SAMD3: variants seen among roughly 807,000 people sequenced by gnomAD.
SAMD3 encodes sterile alpha motif domain containing 3.
In SAMD3, 63 loss-of-function variants were observed where a neutral mutation model predicts 58.5. The observed-to-expected ratio is 1.08, with a 90% confidence interval of 0.88 to 1.33. The LOEUF is 1.33. Ranked by LOEUF, SAMD3 falls within the 40% of genes most tolerant of loss-of-function variation. SAMD3 has a pLI of 0.00. For missense variants in SAMD3, 604 were observed against 608.4 expected (o/e 0.99, Z 0.08); for synonymous variants, 220 against 210.3 (o/e 1.05, Z -0.40).
intron 2 of SAMD3, among the ~76,000 whole-genome samples, chr6:130,260,152 T>G (rs1015523852): frequency 3.3e-5 from 5 of 152,330 alleles, no homozygotes; most frequent in African/African-American, 1.2e-4. Context: ...CCTCTCATAT[T>G]GTTTTATACT....
chr6:130,199,855 TTA>T (rs1794479138), intron 5 of SAMD3, among the ~76,000 whole-genome samples: 1 of 152,192 alleles, frequency 6.6e-6, no homozygotes, highest in African/African-American at 2.4e-5. Flanking sequence ...TGCTTTTAAT[TTA>T]TGTTTTATAG....
rs749155291 is a variant in SAMD3 at position 130,215,253 on chromosome 6, C to A, written c.21G>T (p.Glu7Asp). METWSV[E>D]QVCSWLVEKN... ...TCTCCACCAACCAACTGCAGACCTGCTCAACTGACCAGGTTTCCATTGCTG... is the reference window on the plus strand; with the variant it reads ...TCTCCACCAACCAACTGCAGACCTGATCAACTGACCAGGTTTCCATTGCTG... The change falls in exon 3 of 12, where the codon GAG (glutamate) becomes GAT (aspartate). Residue 7 changes from glutamate (E) to aspartate (D), a missense_variant. Physicochemically the swap from Glu to Asp is conservative, Grantham distance 45 (BLOSUM62 2). Transcript: ENST00000439090. The A allele has an allele frequency of 2.5e-6, 4 of 1,609,784 alleles. No individual in the cohort carries two copies. Among genetic ancestry groups the A allele is most frequent in the Non-Finnish European group, 3.4e-6 (4 of 1,176,984 alleles).
At chr6:130,206,080 C>T (rs1795056053) in intron 5 of SAMD3, among the ~76,000 whole-genome samples, 1 of 152,192 alleles carries the variant, frequency 6.6e-6, no homozygotes, top group African/African-American at 2.4e-5. Context: ...GCCCACAGCT[C>T]TGGATAAAGG....
At chr6:130,361,131 T>G (rs994479188) in intron 1 of SAMD3, among the ~76,000 whole-genome samples, 3 of 152,024 alleles carry the variant, frequency 2.0e-5, no homozygotes, top group African/African-American at 7.2e-5. Flanking sequence ...ATGACAGAAT[T>G]AAGAGATTAA....
rs184433569 is a variant in SAMD3 at position 130,195,116 on chromosome 6, C to T, written c.384-10493G>A. ...CCCTTATTAGGCTGAGGCACTTTAA[C>T]TAAATTATCTGCTTCCCTGACTATT... On this transcript the variant is annotated intron_variant, in intron 5 of 11. Transcript: ENST00000439090. Among the ~76,000 whole-genome samples the T allele has an allele frequency of 7.9e-5, 12 of 152,282 alleles. No homozygotes were observed. The East Asian group carries it at 1.7e-3, about 22-fold the overall frequency.
At chr6:130,363,753 T>A (rs183995694) in intron 1 of SAMD3, among the ~76,000 whole-genome samples, 11 of 152,224 alleles carry the variant, frequency 7.2e-5, no homozygotes, top group Non-Finnish European at 1.2e-4. Flanking sequence ...TGCACTCTTA[T>A]AAGATGGGCT....
chr6:130,174,378 A>T (rs539320830), intron 8 of SAMD3, among the ~76,000 whole-genome samples: 132 of 152,344 alleles, frequency 8.7e-4, no homozygotes, highest in African/African-American at 3.1e-3. Flanking sequence ...CCAGCCAGGT[A>T]GCACAGTCCC....
chr6:130,155,304 G>A (rs779275330), intron 8 of SAMD3, among the ~76,000 whole-genome samples: 1 of 152,116 alleles, frequency 6.6e-6, no homozygotes, highest in Admixed American at 6.5e-5. Flanking sequence ...TATCCAGAAG[G>A]TTCCCACTGA....
intron 1 of SAMD3, among the ~76,000 whole-genome samples, chr6:130,342,104 T>A (rs368528952): frequency 3.3e-5 from 5 of 152,298 alleles, no homozygotes; most frequent in Admixed American, 2.6e-4. Flanking sequence ...AAACCCTCTA[T>A]GAGCATGGGA....
At chr6:130,186,828 T>A (rs1793019425) in intron 5 of SAMD3, among the ~76,000 whole-genome samples, 1 of 141,342 alleles carries the variant, frequency 7.1e-6, no homozygotes, top group Admixed American at 7.7e-5. Flanking sequence ...TGGAGTGCAG[T>A]GGTGCAATCT....
intron 1 of SAMD3, among the ~76,000 whole-genome samples, chr6:130,219,426 C>T (rs1796131254): frequency 6.6e-6 from 1 of 152,030 alleles, no homozygotes; most frequent in African/African-American, 2.4e-5. Context: ...GATTTTGGTG[C>T]ACACATCACT....
At chr6:130,281,578 C>T (rs1322956794) in intron 2 of SAMD3, among the ~76,000 whole-genome samples, 2 of 151,978 alleles carry the variant, frequency 1.3e-5, no homozygotes, top group Non-Finnish European at 2.9e-5. Flanking sequence ...CCTTCAAGAG[C>T]TTTCAATGGC....
In SAMD3 at chr6:130,334,294, C is replaced by T. The variant is rs558983062; in HGVS notation, c.-303-21201G>A. On this transcript the variant is annotated intron_variant, in intron 1 of 13. Coordinates refer to the SAMD3 transcript ENST00000368134. ...ACTATCTCAGTGGAAGATCTTGCAACACTTCTACATAAGCCATGGGCATAT... is the reference window on the plus strand; with the variant it reads ...ACTATCTCAGTGGAAGATCTTGCAATACTTCTACATAAGCCATGGGCATAT... 7.9e-5 allele frequency among the ~76,000 whole-genome samples: 12 copies of T among 152,136 alleles called. No homozygotes were observed. The South Asian group carries it at 2.5e-3, about 32-fold the overall frequency.
Position 130,145,991 on chromosome 6 carries a change from C to T in SAMD3, c.1195+19G>A, listed in dbSNP as rs574515001. 1.6e-5 allele frequency: 23 copies of T among 1,398,810 alleles called. No individual in the cohort carries two copies. The highest frequency in any genetic ancestry group is 5.8e-5 in the African/African-American group (4 of 68,382). 86.6% of individuals were successfully genotyped at this position (1,398,810 alleles called of 1,614,324 possible). A position where few individuals can be genotyped will look rare whatever the true frequency, so the allele number is the denominator to read the frequency against. ...ATAAATAACAGATGAAATCACACCA[C>T]TCCATAAGGTTTACTAACATTTCAA... On this transcript the variant is annotated intron_variant, in intron 10 of 11. Coordinates refer to ENST00000439090, the MANE Select transcript of SAMD3 (RefSeq NM_001017373.4).
intron 2 of SAMD3, among the ~76,000 whole-genome samples, chr6:130,270,636 T>C (rs1201706298): frequency 6.6e-6 from 1 of 152,192 alleles, no homozygotes; most frequent in East Asian, 1.9e-4. Flanking sequence ...CATCACTTTT[T>C]CAGAAAGTAA....
At chr6:130,180,261 C>G (rs1472729804) in intron 7 of SAMD3, among the ~76,000 whole-genome samples, 1 of 146,622 alleles carries the variant, frequency 6.8e-6, no homozygotes, top group Non-Finnish European at 1.5e-5. Flanking sequence ...GCTGAGACTA[C>G]AGGCTCATGC....
intron 2 of SAMD3, among the ~76,000 whole-genome samples, chr6:130,283,903 G>A (rs1368828499): frequency 2.0e-5 from 3 of 152,110 alleles, no homozygotes; most frequent in Non-Finnish European, 2.9e-5. Context: ...GTGCAGTGGC[G>A]CTATCCTGGC....
chr6:130,205,154 T>TAAAAA (rs10680576), intron 5 of SAMD3, among the ~76,000 whole-genome samples: 45 of 138,214 alleles, frequency 3.3e-4, no homozygotes, highest in African/African-American at 1.1e-3. Flanking sequence ...TTTGGCTCTG[T>TAAAAA]AAAAAAAAAA....
intron 1 of SAMD3, among the ~76,000 whole-genome samples, chr6:130,317,621 T>C (rs1025274170): frequency 1.2e-4 from 18 of 152,318 alleles, no homozygotes; most frequent in Non-Finnish European, 1.5e-5. Context: ...GCAGAATAAG[T>C]AGAATGGCTG....
Sources: allele counts gnomAD v4.1 joint callset (sites outside exome capture counted in the v4.1 genomes callset), GRCh38; gene constraint gnomAD v4.1.1; transcripts MANE v1.5; gene names NCBI Gene and HGNC (gene_info 2026-07-23, HGNC 2026-07-21).